The following LGI1 variants were observed in gnomAD, a reference collection of about 807,000 sequenced individuals.
LGI1 encodes the protein leucine rich glioma inactivated 1, also known as leucine-rich glioma-inactivated protein 1.
A neutral mutation model predicts 57.7 loss-of-function variants in LGI1; 11 were observed. The observed-to-expected ratio is 0.19, with a 90% confidence interval of 0.12 to 0.32. The LOEUF is 0.32. Among genes scored for constraint, LGI1 ranks in the 10% least tolerant of loss-of-function variants. The pLI, the probability that LGI1 is intolerant of heterozygous loss-of-function variation, is 1.00. For missense variants in LGI1, 422 were observed against 661.9 expected, an observed-to-expected ratio of 0.64 and a Z score of 3.98; for synonymous variants, 222 against 241.9, an observed-to-expected ratio of 0.92 and a Z score of 0.76.
In LGI1 at chr10:93,786,676, AGCCTCAAGTTCTAG is replaced by A. The variant is rs1377661961; in HGVS notation, c.432-3420_432-3407del. 1.2e-3 allele frequency among the ~76,000 whole-genome samples: 22 copies of A among 17,784 alleles called. 11 individuals are homozygous for A. The East Asian group carries it at 0.22, about 181-fold the overall frequency. The allele number at this position is 17,784 out of a possible 152,430, so 11.7% of individuals were successfully genotyped here. ...CAGTGGTATGATCATGGCTCACTGCAGCCTCAAGTTCTAGGCTCAAGCCATCCTCCAACCTCAGC... is the reference window on the plus strand; with the variant it reads ...CAGTGGTATGATCATGGCTCACTGCAGCTCAAGCCATCCTCCAACCTCAGC... On this transcript the variant is annotated intron_variant, in intron 4 of 7. Coordinates refer to ENST00000371418, the MANE Select transcript of LGI1 (RefSeq NM_005097.4).
chr10:93,783,796 G>T (rs1353790539), intron 4 of LGI1, among the ~76,000 whole-genome samples: 8 of 152,120 alleles, frequency 5.3e-5, no homozygotes, highest in Non-Finnish European at 1.2e-4. Context: ...CGGATCACTT[G>T]AGGTCAGGAG....
chr10:93,781,831 A>C (rs1010903050), intron 4 of LGI1, among the ~76,000 whole-genome samples: 1 of 152,222 alleles, frequency 6.6e-6, no homozygotes, highest in African/African-American at 2.4e-5. Flanking sequence ...GCTAAGGCCC[A>C]GTGGAGCCAG....
At chr10:93,774,586 C>T (rs1296155192) in intron 2 of LGI1, among the ~76,000 whole-genome samples, 2 of 152,172 alleles carry the variant, frequency 1.3e-5, no homozygotes, top group Admixed American at 6.5e-5. Context: ...AGAAGGGTGT[C>T]GTCTTAGCCC....
intron 7 of LGI1, among the ~76,000 whole-genome samples, chr10:93,795,160 A>G (rs866054588): frequency 4.6e-5 from 7 of 152,228 alleles, no homozygotes; most frequent in African/African-American, 1.7e-4. Flanking sequence ...AGAGAAATAA[A>G]TCATACATCT....
At chr10:93,782,331 T>A (rs550955335) in intron 4 of LGI1, among the ~76,000 whole-genome samples, 10 of 152,334 alleles carry the variant, frequency 6.6e-5, no homozygotes, top group Non-Finnish European at 1.2e-4. Flanking sequence ...AATGGGGTTA[T>A]AATAATAATC....
intron 4 of LGI1, among the ~76,000 whole-genome samples, chr10:93,787,371 G>T (rs2059899662): frequency 6.6e-6 from 1 of 152,150 alleles, no homozygotes; most frequent in South Asian, 2.1e-4. Flanking sequence ...GAAATTTAAT[G>T]CCTCATTCCA....
chr10:93,760,158 G>A (rs961737269), intron 2 of LGI1, among the ~76,000 whole-genome samples: 2 of 152,236 alleles, frequency 1.3e-5, no homozygotes, highest in Non-Finnish European at 2.9e-5. Flanking sequence ...TTGACATTAT[G>A]TAATGATGTT....
intron 4 of LGI1, chr10:93,778,923 G>A (rs888345249): frequency 2.0e-5 from 3 of 152,134 alleles, no homozygotes; most frequent in Non-Finnish European, 4.4e-5. Flanking sequence ...TGCTTGTTTT[G>A]TAGCAAAGAG....
intron 4 of LGI1, among the ~76,000 whole-genome samples, chr10:93,783,234 G>T (rs1362621901): frequency 2.0e-5 from 3 of 152,066 alleles, no homozygotes; most frequent in Admixed American, 6.6e-5. Context: ...AAATTAGCTG[G>T]GCGTGGTGGC....
At chr10:93,777,242 A>C (rs2059803146) in intron 2 of LGI1, 137 bp from the exon 3 acceptor site, 2 of 771,150 alleles carry the variant, frequency 2.6e-6, no homozygotes, top group South Asian at 3.0e-5. Flanking sequence ...GATTATCTGC[A>C]TAACTAACAC....
intron 2 of LGI1, among the ~76,000 whole-genome samples, chr10:93,759,554 G>A (rs1224075843): frequency 6.6e-6 from 1 of 152,154 alleles, no homozygotes; most frequent in Non-Finnish European, 1.5e-5. Context: ...GATGTGTAAT[G>A]TTTGGCAATT....
intron 2 of LGI1, among the ~76,000 whole-genome samples, chr10:93,773,743 C>A (rs1459733446): frequency 2.0e-5 from 3 of 152,246 alleles, no homozygotes; most frequent in South Asian, 2.1e-4. Context: ...ATCAGGCACA[C>A]CCCTGTGTCC....
intron 2 of LGI1, chr10:93,767,079 A>T (rs1430864501): frequency 1.3e-5 from 2 of 152,212 alleles, no homozygotes; most frequent in Non-Finnish European, 2.9e-5. Flanking sequence ...CATTAACAAG[A>T]GTTTTCAGGA....
chr10:93,777,992 A>C (rs527851563), intron 4 of LGI1, among the ~76,000 whole-genome samples: 2 of 152,198 alleles, frequency 1.3e-5, no homozygotes, highest in Admixed American at 1.3e-4. Flanking sequence ...ATTTAAACAT[A>C]ATATAGCCAC....
rs775121144 is a variant in LGI1, at chr10:93,796,935, C to G, written c.839-33C>G. On this transcript the variant is annotated intron_variant, in intron 7 of 7. Transcript: ENST00000371418. The stretch of plus-strand genomic sequence containing the variant: ...TTTACATGCTCCAAAAGAGGATGGC[C>G]ACACAACTAATCTCTCCTTTGTCTT... The G allele has an allele frequency of 6.5e-6, 10 of 1,542,320 alleles. No homozygotes were observed. In the African/African-American group the frequency reaches 1.4e-4, roughly 21 times the overall value.
chr10:93,781,276 A>G (rs1032700687), intron 4 of LGI1, among the ~76,000 whole-genome samples: 4 of 152,052 alleles, frequency 2.6e-5, no homozygotes, highest in South Asian at 2.1e-4. Context: ...GGAGAATGGC[A>G]TGAACCCGGG....
intron 2 of LGI1, chr10:93,765,304 T>C (rs2059662531): frequency 6.6e-6 from 1 of 152,204 alleles, no homozygotes; most frequent in Admixed American, 6.5e-5. Context: ...AAACTGTGGT[T>C]CTGAAACTCA....
intron 7 of LGI1, 40 bp from the exon 8 acceptor site, chr10:93,796,928 G>A (rs2134026065): frequency 6.7e-7 from 1 of 1,499,840 alleles, no homozygotes; most frequent in Non-Finnish European, 9.3e-7. Context: ...CTCCAAAAGA[G>A]GATGGCCACA....
intron 7 of LGI1, among the ~76,000 whole-genome samples, chr10:93,793,727 C>T (rs922633751): frequency 3.3e-4 from 51 of 152,312 alleles, no homozygotes; most frequent in African/African-American, 1.2e-3. Context: ...TACTCACTGA[C>T]ACCCCTCAAC....
Sources: allele counts gnomAD v4.1 joint callset (sites outside exome capture counted in the v4.1 genomes callset), GRCh38; gene constraint gnomAD v4.1.1; transcripts MANE v1.5; gene names NCBI Gene and HGNC (gene_info 2026-07-23, HGNC 2026-07-21).